Variants in TRIO observed in about 807,000 individuals in gnomAD.
The protein encoded by TRIO is triple functional domain protein.
Under a neutral mutation model 351.9 loss-of-function variants are expected in TRIO, and 58 were observed. That is an observed-to-expected ratio of 0.16 (90% CI 0.13 to 0.21). The LOEUF (loss-of-function observed/expected upper bound fraction) is 0.21. Ranked by LOEUF, TRIO falls within the 10% of genes least tolerant of loss-of-function variation. TRIO has a pLI of 1.00. For missense variants in TRIO, 3,201 were observed against 4,027.8 expected, an observed-to-expected ratio of 0.79 and a Z score of 5.56; for synonymous variants, 1,758 against 1,595.7, an observed-to-expected ratio of 1.10 and a Z score of -2.42.
intron 55 of TRIO, 60 bp downstream of exon 55, chr5:14,504,653 G>C: frequency 6.4e-7 from 1 of 1,567,392 alleles, no homozygotes; most frequent in South Asian, 1.2e-5. Context: ...AGGGGGTTTT[G>C]TTGTTCCTGT....
intron 11 of TRIO, among the ~76,000 whole-genome samples, chr5:14,352,521 C>T (rs1485124065): frequency 6.6e-6 from 1 of 152,208 alleles, no homozygotes; most frequent in Non-Finnish European, 1.5e-5. Context: ...GCATCATGTA[C>T]ACCATTTTAA....
Position 14,485,251 on chromosome 5 carries a change from T to C in TRIO, c.6835+5T>C. 6.4e-7 allele frequency: 1 copy of C among 1,573,210 alleles called. No individual in the cohort carries two copies. The highest frequency in any genetic ancestry group is 1.1e-5 in the South Asian group (1 of 87,040). ...ACCAGCGCAATTTTTTAAATGGTAA[T>C]GTGTGTTCTGTTACTAGATGTGTGC... On this transcript the variant is annotated splice_donor_5th_base_variant and intron_variant, in intron 47 of 56. Transcript: ENST00000344204.
intron 42 of TRIO, among the ~76,000 whole-genome samples, 167 bp downstream of exon 42, chr5:14,479,517 G>A (rs1318691657): frequency 1.3e-5 from 2 of 152,132 alleles, no homozygotes; most frequent in Non-Finnish European, 2.9e-5. Context: ...AGAGAAATGA[G>A]TATGAATTTA....
chr5:14,502,483 C>CGG, intron 53 of TRIO, 96 bp from the exon 54 acceptor site: 2 of 1,255,150 alleles, frequency 1.6e-6, no homozygotes, highest in East Asian at 4.7e-5. Context: ...CCGGTGGCCA[C>CGG]GCGCAGCTGC....
At chr5:14,153,648 TCTGCTTCTGGTAGGGCAAGCGAC>T (rs1169345604) in intron 1 of TRIO, among the ~76,000 whole-genome samples, 1 of 152,154 alleles carries the variant, frequency 6.6e-6, no homozygotes, top group Non-Finnish European at 1.5e-5. Context: ...GATGAGGATG[TCTGCTTCTGGTAGGGCAAGCGAC>T]CTGCTTGCCC....
Position 14,488,693 on chromosome 5 carries a change from T to C in TRIO, c.7632+433T>C, listed in dbSNP as rs1198850639. The C allele has an allele frequency of 5.4e-6, 3 of 557,596 alleles. No homozygotes were observed. The African/African-American group carries it at 5.6e-5, about 10-fold the overall frequency. 34.5% of individuals were successfully genotyped at this position (557,596 alleles called of 1,614,324 possible). On this transcript the variant is annotated intron_variant, in intron 48 of 56. Transcript: ENST00000344204. Reference sequence around the variant, plus strand: ...TTTTGCTCTTTTATGCCTTAAATTATCTTTGCGGCATTTTTGACTCATCTG... The same window carrying C: ...TTTTGCTCTTTTATGCCTTAAATTACCTTTGCGGCATTTTTGACTCATCTG...
At position 14,413,478 on chromosome 5, in the gene TRIO, G is replaced by A. The variant is rs188195934; in HGVS notation, c.4960-6300G>A. On this transcript the variant is annotated intron_variant, in intron 33 of 56. Coordinates refer to ENST00000344204, the MANE Select transcript of TRIO (RefSeq NM_007118.4). ...ATTCAGCGCACAAGAATGAATGAAG[G>A]AGACAGAGCCCCGCTCCCCTGGCGA... Among the ~76,000 whole-genome samples the A allele has an allele frequency of 3.1e-3, 474 of 152,350 alleles. 3 individuals are homozygous for A. The highest frequency in any genetic ancestry group is 6.9e-4 in the Non-Finnish European group (47 of 68,036).
At chr5:14,463,978 G>T (rs1439643820) in intron 36 of TRIO, among the ~76,000 whole-genome samples, 1 of 152,152 alleles carries the variant, frequency 6.6e-6, no homozygotes, top group African/African-American at 2.4e-5. Context: ...CTGTAAGGGT[G>T]CTGTGGGGCC....
intron 46 of TRIO, among the ~76,000 whole-genome samples, chr5:14,484,813 C>T (rs536663156): frequency 6.6e-6 from 1 of 152,260 alleles, no homozygotes; most frequent in African/African-American, 2.4e-5. Context: ...CCTATCCCCA[C>T]ATTTGACTAC....
At chr5:14,388,710 T>TTTTG in intron 24 of TRIO, 31 bp downstream of exon 24, 1 of 1,551,666 alleles carries the variant, frequency 6.4e-7, no homozygotes. Flanking sequence ...TTTTTTTGCT[T>TTTTG]GTTTATTTAG....
chr5:14,423,156 C>G (rs932603485), intron 34 of TRIO, among the ~76,000 whole-genome samples: 5 of 152,166 alleles, frequency 3.3e-5, no homozygotes, highest in African/African-American at 1.2e-4. Flanking sequence ...TTCAGCAAAC[C>G]CTTGTGCTCC....
At position 14,508,730 on chromosome 5, in the gene TRIO, T is replaced by C. The variant is rs1018589998; in HGVS notation, c.*308T>C. On this transcript the variant is annotated 3_prime_UTR_variant, in exon 57 of 57. Coordinates refer to ENST00000344204, the MANE Select transcript of TRIO (RefSeq NM_007118.4). ...ACAAACATGAATAGAATTTTGCAAA[T>C]TTAACGTTTTCAAGATTTATTCAAG... 4.0e-5 allele frequency: 11 copies of C among 274,780 alleles called. No homozygotes were observed. The highest frequency in any genetic ancestry group is 2.4e-4 in the African/African-American group (11 of 45,138). 17.0% of individuals were successfully genotyped at this position (274,780 alleles called of 1,614,324 possible). A position where few individuals can be genotyped will look rare whatever the true frequency, so the allele number is the denominator to read the frequency against.
intron 34 of TRIO, among the ~76,000 whole-genome samples, chr5:14,426,622 C>G (rs1402087164): frequency 1.3e-5 from 2 of 152,206 alleles, no homozygotes; most frequent in Non-Finnish European, 2.9e-5. Flanking sequence ...GATAGAGGAA[C>G]TGCAGACAAC....
intron 1 of TRIO, among the ~76,000 whole-genome samples, chr5:14,261,844 T>A (rs955769091): frequency 2.6e-5 from 4 of 152,354 alleles, no homozygotes; most frequent in African/African-American, 9.6e-5. Context: ...GTAAAAACCC[T>A]TTTCTCCTTT....
chr5:14,398,284 G>A (rs1178259539), intron 29 of TRIO, among the ~76,000 whole-genome samples: 2 of 152,232 alleles, frequency 1.3e-5, no homozygotes, highest in African/African-American at 4.8e-5. Flanking sequence ...GAGAGGAGCA[G>A]TAGTGAAGTC....
In TRIO at chr5:14,143,609, G is replaced by T. The variant is rs896542135; in HGVS notation, c.-117G>T. ...CGCCGCCCCGGGGCTCTGCGTCCGC[G>T]CGCCGGGCGCGGGCAGCTGGGTGCT... is the stretch of plus-strand genomic sequence containing the variant. On this transcript the variant is annotated 5_prime_UTR_variant, in exon 1 of 57. Transcript: ENST00000344204. The T allele has an allele frequency of 1.1e-5, 3 of 271,028 alleles. No individual in the cohort carries two copies. Among genetic ancestry groups the T allele is most frequent in the African/African-American group, 2.3e-5 (1 of 43,076 alleles). The allele number at this position is 271,028 out of a possible 1,614,324, so 16.8% of individuals were successfully genotyped here.
intron 4 of TRIO, among the ~76,000 whole-genome samples, chr5:14,287,578 T>C (rs1736556908): frequency 6.6e-6 from 1 of 152,194 alleles, no homozygotes. Flanking sequence ...CTGAATTCAG[T>C]TAGGCATGGA....
intron 38 of TRIO, among the ~76,000 whole-genome samples, chr5:14,471,786 A>G (rs1297634884): frequency 1.3e-5 from 2 of 152,182 alleles, no homozygotes; most frequent in Non-Finnish European, 2.9e-5. Context: ...GTAATATAAA[A>G]TTAGAACCAG....
At chr5:14,498,426 C>T in intron 52 of TRIO, 93 bp from the exon 53 acceptor site, 1 of 1,532,658 alleles carries the variant, frequency 6.5e-7, no homozygotes, top group Non-Finnish European at 8.8e-7. Context: ...CACTTGAGCT[C>T]CTGCCTTCCC....
Sources: gnomAD v4.1 joint callset for allele counts (sites outside exome capture counted in the v4.1 genomes callset) on GRCh38, gnomAD v4.1.1 for gene constraint, MANE v1.5 for transcripts, NCBI Gene and HGNC (gene_info 2026-07-23, HGNC 2026-07-21) for gene names.